The following SPTLC3 variants were observed in gnomAD, a reference collection of about 807,000 sequenced individuals.
The protein encoded by SPTLC3 is serine palmitoyltransferase 3.
A neutral mutation model predicts 59.3 loss-of-function variants in SPTLC3; 36 were observed. That is an observed-to-expected ratio of 0.61 (90% CI 0.47 to 0.80). The LOEUF (loss-of-function observed/expected upper bound fraction) is 0.80. SPTLC3 is among the 30% of genes least tolerant of loss of function. SPTLC3 has a pLI of 0.00. For missense variants in SPTLC3, 625 were observed against 685.1 expected, an observed-to-expected ratio of 0.91 and a Z score of 0.98; for synonymous variants, 257 against 240.8, an observed-to-expected ratio of 1.07 and a Z score of -0.62.
chr20:13,102,557 G>A lies in SPTLC3; in HGVS notation c.827-7555G>A, dbSNP rs61118351. Among the ~76,000 whole-genome samples the A allele has an allele frequency of 7.6e-4, 116 of 152,228 alleles. 1 individual carries two copies. The East Asian group carries it at 0.014, about 19-fold the overall frequency. ...CTTTTCTACCCTCTGTTTGCCCCTG[G>A]ATGGCAGAGTGATGAATGTAATACT... On this transcript the variant is annotated intron_variant, in intron 6 of 11. Coordinates refer to ENST00000399002, the MANE Select transcript of SPTLC3 (RefSeq NM_018327.4).
intron 1 of SPTLC3, among the ~76,000 whole-genome samples, chr20:13,011,872 G>A (rs1445642560): frequency 6.6e-6 from 1 of 151,942 alleles, no homozygotes; most frequent in Non-Finnish European, 1.5e-5. Flanking sequence ...TATCATACTA[G>A]AGGATTTGTT....
intron 1 of SPTLC3, among the ~76,000 whole-genome samples, chr20:13,017,314 A>T (rs975601110): frequency 2.6e-5 from 4 of 152,194 alleles, no homozygotes; most frequent in African/African-American, 9.6e-5. Flanking sequence ...TCCATGCCTC[A>T]CTTTGAACAA....
intron 1 of SPTLC3, among the ~76,000 whole-genome samples, chr20:13,037,802 G>A (rs6078895): frequency 0.2 from 30,317 of 152,032 alleles, 3,627 homozygotes; most frequent in South Asian, 0.4. Flanking sequence ...AGTTTTATTC[G>A]TCAAACATGT....
intron 9 of SPTLC3, among the ~76,000 whole-genome samples, chr20:13,151,775 T>C (rs1486367588): frequency 6.6e-6 from 1 of 152,182 alleles, no homozygotes; most frequent in African/African-American, 2.4e-5. Flanking sequence ...AAATGTTAGA[T>C]GTCTGGGTAA....
At chr20:13,118,074 G>A (rs550443029) in intron 8 of SPTLC3, among the ~76,000 whole-genome samples, 1 of 152,130 alleles carries the variant, frequency 6.6e-6, no homozygotes, top group South Asian at 2.1e-4. Context: ...ATAATGGGGG[G>A]CCATATTTAA....
intron 1 of SPTLC3, among the ~76,000 whole-genome samples, chr20:13,040,137 A>C (rs1986914361): frequency 6.6e-6 from 1 of 151,570 alleles, no homozygotes; most frequent in African/African-American, 2.4e-5. Context: ...TTATCTTCTT[A>C]TTTAACATTT....
chr20:13,159,902 A>G, intron 10 of SPTLC3, 101 bp from the exon 11 acceptor site: 2 of 1,429,998 alleles, frequency 1.4e-6, no homozygotes, highest in Non-Finnish European at 9.3e-7. Flanking sequence ...AGAAAAAAGA[A>G]AAAAGAAAAA....
Position 13,117,682 on chromosome 20 carries a change from C to G in SPTLC3, c.1109C>G (p.Thr370Ser). The G allele has an allele frequency of 6.2e-7, 1 of 1,613,574 alleles. No individual in the cohort carries two copies. The highest frequency in any genetic ancestry group is 8.5e-7 in the Non-Finnish European group (1 of 1,179,790). The change falls in exon 8 of 12, where the codon ACC (threonine) becomes AGC (serine). Residue 370 changes from threonine (T) to serine (S), a missense_variant. Transcript: ENST00000399002. ...HEVDVLMGTFTKSFGASGGYI... is the reference protein window; with the variant it reads ...HEVDVLMGTFSKSFGASGGYI... Reference sequence around the variant, plus strand: ...GTTGATGTGCTCATGGGCACATTCACCAAAAGTTTTGGAGCTTCAGGAGGT... The same window carrying G: ...GTTGATGTGCTCATGGGCACATTCAGCAAAAGTTTTGGAGCTTCAGGAGGT...
chr20:13,041,783 G>A (rs1398792752), intron 1 of SPTLC3, among the ~76,000 whole-genome samples: 14 of 136,372 alleles, frequency 1.0e-4, no homozygotes, highest in African/African-American at 3.8e-4. Flanking sequence ...TATTTTTTTA[G>A]TGACTTAGAT....
chr20:13,141,213 T>C (rs1225179228), intron 9 of SPTLC3, among the ~76,000 whole-genome samples: 2 of 152,252 alleles, frequency 1.3e-5, no homozygotes, highest in Admixed American at 6.5e-5. Context: ...TCATAAGACA[T>C]TGATTGTCTT....
intron 8 of SPTLC3, among the ~76,000 whole-genome samples, chr20:13,121,335 C>T: frequency 6.6e-6 from 1 of 152,182 alleles, no homozygotes; most frequent in East Asian, 1.9e-4. Context: ...GCCTGCATGC[C>T]AGCCAAAGCC....
chr20:13,058,435 T>C (rs1416882131), intron 2 of SPTLC3, among the ~76,000 whole-genome samples: 1 of 152,224 alleles, frequency 6.6e-6, no homozygotes, highest in Non-Finnish European at 1.5e-5. Flanking sequence ...ATGCAGCTTA[T>C]GGGATAGAAA....
intron 1 of SPTLC3, among the ~76,000 whole-genome samples, chr20:13,019,063 T>C (rs1269747892): frequency 6.6e-6 from 1 of 152,148 alleles, no homozygotes. Context: ...TTTTGACATA[T>C]TGAAGATCAT....
At chr20:13,103,157 C>G (rs6109700) in intron 6 of SPTLC3, among the ~76,000 whole-genome samples, 68,914 of 152,084 alleles carry the variant, frequency 0.45, 18,705 homozygotes, top group African/African-American at 0.78. Context: ...GTCAAAAATG[C>G]CCTCTGTGAT....
chr20:13,043,621 C>T (rs1334427962), intron 1 of SPTLC3, among the ~76,000 whole-genome samples: 1 of 152,196 alleles, frequency 6.6e-6, no homozygotes, highest in Non-Finnish European at 1.5e-5. Flanking sequence ...CTGTCTCCCT[C>T]AAGGGGTCGT....
In SPTLC3 at chr20:13,011,158, G is replaced by A. The variant is rs185731631; in HGVS notation, c.117+1774G>A. Among the ~76,000 whole-genome samples, 42 of 152,268 alleles carry A rather than the reference G, an allele frequency of 2.8e-4. No homozygotes were observed. The East Asian group carries it at 2.9e-3, about 10-fold the overall frequency. On this transcript the variant is annotated intron_variant, in intron 1 of 11. Coordinates refer to ENST00000399002, the MANE Select transcript of SPTLC3 (RefSeq NM_018327.4). ...ACAAACGAACAAAAAAAACCCGGCT[G>A]AGATCATAGTGTAATAGGGCAAACG...
chr20:13,036,631 T>C (rs897240211), intron 1 of SPTLC3, among the ~76,000 whole-genome samples: 1 of 152,106 alleles, frequency 6.6e-6, no homozygotes, highest in Non-Finnish European at 1.5e-5. Flanking sequence ...TACACATAGA[T>C]TTTTGACTGC....
intron 1 of SPTLC3, among the ~76,000 whole-genome samples, chr20:13,016,331 A>C (rs192738945): frequency 2.6e-5 from 4 of 152,314 alleles, no homozygotes; most frequent in African/African-American, 4.8e-5. Flanking sequence ...TATTTTGATC[A>C]GTTTAATAAT....
chr20:13,161,793 C>T (rs2038900810), intron 11 of SPTLC3, among the ~76,000 whole-genome samples: 2 of 152,114 alleles, frequency 1.3e-5, no homozygotes, highest in Non-Finnish European at 2.9e-5. Flanking sequence ...AAGAGGATAA[C>T]TTGAGTTTGA....
Sources: allele counts gnomAD v4.1 joint callset (sites outside exome capture counted in the v4.1 genomes callset), GRCh38; gene constraint gnomAD v4.1.1; transcripts MANE v1.5; gene names NCBI Gene and HGNC (gene_info 2026-07-23, HGNC 2026-07-21).